Variants in TENM3 observed in about 807,000 individuals in gnomAD.
The protein encoded by TENM3 is teneurin-3.
TENM3 carries 63 observed loss-of-function variants against 255.1 expected under a neutral mutation model. The observed-to-expected ratio is 0.25, with a 90% CI of 0.20 to 0.30. TENM3 has a LOEUF of 0.30. Among genes scored for constraint, TENM3 ranks in the 10% least tolerant of loss-of-function variants. The pLI, the probability that TENM3 is intolerant of heterozygous loss-of-function variation, is 1.00. For synonymous variants in TENM3, 1,306 were observed against 1,322.3 expected, an observed-to-expected ratio of 0.99 and a Z score of 0.27; for missense variants, 2,929 against 3,461.1, an observed-to-expected ratio of 0.85 and a Z score of 3.86.
chr4:181,950,550 T>C, the TENM3 span, among the ~76,000 whole-genome samples: 1 of 152,176 alleles, frequency 6.6e-6, no homozygotes, highest in African/African-American at 2.4e-5. Flanking sequence ...GGAAGCTCCA[T>C]GAAGGCACTT....
At chr4:181,924,771 C>T in the TENM3 span, among the ~76,000 whole-genome samples, 2 of 152,162 alleles carry the variant, frequency 1.3e-5, no homozygotes, top group Non-Finnish European at 2.9e-5. Flanking sequence ...CCTGAACACA[C>T]AAAACACACA....
intron 1 of TENM3, among the ~76,000 whole-genome samples, chr4:182,231,769 C>T (rs1357401929): frequency 6.6e-6 from 1 of 152,180 alleles, no homozygotes; most frequent in Non-Finnish European, 1.5e-5. Context: ...CTTGTACATC[C>T]CTGACATTCC....
chr4:182,379,511 G>T (rs531807918), intron 3 of TENM3, among the ~76,000 whole-genome samples: 24 of 152,220 alleles, frequency 1.6e-4, no homozygotes, highest in Admixed American at 1.5e-3. Context: ...GTTAAAGACT[G>T]AACGGGGCTT....
At chr4:181,611,635 A>AT in the TENM3 span, among the ~76,000 whole-genome samples, 47 of 152,152 alleles carry the variant, frequency 3.1e-4, 1 homozygote, top group Non-Finnish European at 1.3e-4. Context: ...ACAATGCTTT[A>AT]TTTTTTTAAA....
intron 3 of TENM3, among the ~76,000 whole-genome samples, chr4:182,445,355 A>T (rs1772832687): frequency 1.3e-5 from 2 of 152,352 alleles, no homozygotes; most frequent in South Asian, 4.1e-4. Context: ...TCATAAAATG[A>T]AGTGCTTAGT....
chr4:182,214,092 G>A (rs78694116), intron 1 of TENM3, among the ~76,000 whole-genome samples: 2,386 of 152,248 alleles, frequency 0.016, 32 homozygotes, highest in Non-Finnish European at 0.024. Context: ...GTGAACCACC[G>A]CGCCTAGCCA....
chr4:182,090,415 A>C, the TENM3 span, among the ~76,000 whole-genome samples: 1 of 152,302 alleles, frequency 6.6e-6, no homozygotes, highest in Admixed American at 6.5e-5. Flanking sequence ...TTTAAAATCA[A>C]TTAGCAGCCC....
the TENM3 span, among the ~76,000 whole-genome samples, chr4:181,782,581 C>T: frequency 2.0e-5 from 3 of 150,922 alleles, no homozygotes; most frequent in Non-Finnish European, 2.9e-5. Flanking sequence ...CTCCTGGATA[C>T]ATTGATTTTT....
chr4:181,849,947 T>TCACA, the TENM3 span, among the ~76,000 whole-genome samples: 27 of 26,152 alleles, frequency 1.0e-3, no homozygotes, highest in African/African-American at 1.6e-3. Context: ...TCTCTCTCTC[T>TCACA]CTCACACACA....
chr4:181,592,172 T>C, the TENM3 span, among the ~76,000 whole-genome samples: 2 of 151,934 alleles, frequency 1.3e-5, no homozygotes, highest in Non-Finnish European at 2.9e-5. Context: ...GGTGCATACA[T>C]AATGTCAATT....
At chr4:182,634,991 A>G (rs374229597) in intron 5 of TENM3, among the ~76,000 whole-genome samples, 4 of 152,350 alleles carry the variant, frequency 2.6e-5, no homozygotes, top group Admixed American at 6.5e-5. Context: ...GATGACGCCA[A>G]TTAAACTGCA....
chr4:181,838,297 C>A, the TENM3 span, among the ~76,000 whole-genome samples: 2 of 152,298 alleles, frequency 1.3e-5, no homozygotes, highest in African/African-American at 2.4e-5. Flanking sequence ...AGGATCTTCT[C>A]GCCTACATTC....
chr4:181,862,946 CAA>C, the TENM3 span, among the ~76,000 whole-genome samples: 22 of 152,190 alleles, frequency 1.4e-4, no homozygotes, highest in African/African-American at 4.6e-4. Flanking sequence ...CAGGTACAAA[CAA>C]GAGAAATTTA....
chr4:181,927,475 T>C, the TENM3 span, among the ~76,000 whole-genome samples: 2 of 152,336 alleles, frequency 1.3e-5, no homozygotes, highest in African/African-American at 2.4e-5. Flanking sequence ...CTCTCTAGAT[T>C]CCTGCTCTCT....
intron 23 of TENM3, chr4:182,773,926 G>A (rs1045708878): frequency 3.9e-5 from 10 of 254,094 alleles, no homozygotes; most frequent in African/African-American, 6.7e-5. Flanking sequence ...ATCATCAGGC[G>A]ATTTTTGCAT....
the TENM3 span, among the ~76,000 whole-genome samples, chr4:181,894,775 C>A: frequency 6.6e-6 from 1 of 151,472 alleles, no homozygotes; most frequent in Non-Finnish European, 1.5e-5. Context: ...CTCCAGCTTA[C>A]GATAGAATGA....
chr4:181,546,412 A>G, the TENM3 span, among the ~76,000 whole-genome samples: 4 of 152,292 alleles, frequency 2.6e-5, no homozygotes, highest in Non-Finnish European at 4.4e-5. Context: ...GTAAAAAGCT[A>G]TTCTACAGAA....
intron 1 of TENM3, among the ~76,000 whole-genome samples, chr4:182,298,274 C>G (rs980807904): frequency 6.6e-6 from 1 of 152,172 alleles, no homozygotes. Flanking sequence ...GCAGTGCCAG[C>G]CATATCCTAG....
intron 22 of TENM3, among the ~76,000 whole-genome samples, chr4:182,755,696 C>T (rs1490067642): frequency 1.3e-5 from 2 of 151,976 alleles, no homozygotes; most frequent in East Asian, 1.9e-4. Context: ...AAAAAATAGC[C>T]GGGCGTGGTG....
Sources: allele counts gnomAD v4.1 joint callset (sites outside exome capture counted in the v4.1 genomes callset), GRCh38; gene constraint gnomAD v4.1.1; transcripts MANE v1.5; gene names NCBI Gene and HGNC (gene_info 2026-07-23, HGNC 2026-07-21).